Variants in ABR observed in about 807,000 individuals in gnomAD.
ABR encodes the protein active breakpoint cluster region-related protein.
ABR carries 35 observed loss-of-function variants against 107.2 expected under a neutral mutation model. That is an observed-to-expected ratio of 0.33 (90% CI 0.25 to 0.43). The LOEUF (loss-of-function observed/expected upper bound fraction) is 0.43, where lower values mean the gene tolerates loss of function less well. Ranked by LOEUF, ABR falls within the 20% of genes least tolerant of loss-of-function variation. ABR has a pLI of 1.00. For synonymous variants in ABR, 498 were observed against 462.0 expected (o/e 1.08, Z -1.00); for missense variants, 815 against 1,115.2 (o/e 0.73, Z 3.83).
In ABR at chr17:1,006,128, G is replaced by A; in HGVS notation, c.2532C>T (p.Ser844=). 1 of 1,588,386 alleles carries A rather than the reference G, an allele frequency of 6.3e-7. No homozygotes were observed. Among genetic ancestry groups the A allele is most frequent in the South Asian group, 1.1e-5 (1 of 87,028 alleles). The change falls in exon 23 of 23, where the codon TCC becomes TCT. Residue 844 remains serine (S), a synonymous_variant. Coordinates refer to ENST00000302538, the MANE Select transcript of ABR (RefSeq NM_021962.5). ...GTGTGTTCCGCTTGAGTTCTGCGAA[G>A]GAAATGGGGGGGTGCTGCAGGTAGT... is the stretch of plus-strand genomic sequence containing the variant. ...LLYYLQHPPI[S]FAELKRNTLY... is the part of the protein sequence containing the mutation.
At chr17:1,013,907 C>T (rs1016154761) in intron 16 of ABR, among the ~76,000 whole-genome samples, 2 of 152,198 alleles carry the variant, frequency 1.3e-5, no homozygotes, top group Non-Finnish European at 2.9e-5. Flanking sequence ...TTCTGTAACT[C>T]GGGGGCCTTC....
intron 1 of ABR, among the ~76,000 whole-genome samples, chr17:1,130,303 G>A (rs1366538307): frequency 6.6e-6 from 1 of 151,912 alleles, no homozygotes; most frequent in Non-Finnish European, 1.5e-5. Flanking sequence ...GACCACACAC[G>A]TAGGGAACCT....
At chr17:1,226,504 C>T (rs56149003) in intron 1 of ABR, among the ~76,000 whole-genome samples, 3 of 104,214 alleles carry the variant, frequency 2.9e-5, no homozygotes, top group South Asian at 3.4e-4. Context: ...TGTAGGTGTG[C>T]ATGTGTGTGC....
In ABR at chr17:1,200,727, C is replaced by T. The variant is rs943747440; in HGVS notation, c.838+28066G>A. Reference sequence around the variant, plus strand: ...CAGGTGGAAACCCGGGCACGTCATCCCGGTTTGTTCATGGTGCAAGATGTC... The same window carrying T: ...CAGGTGGAAACCCGGGCACGTCATCTCGGTTTGTTCATGGTGCAAGATGTC... On this transcript the variant is annotated intron_variant, in intron 1 of 22. Transcript: ENST00000574139. The surrounding 1 kb of genome is among the most constrained non-coding windows in gnomAD (Gnocchi z 4.1). 1.3e-5 allele frequency among the ~76,000 whole-genome samples: 2 copies of T among 152,204 alleles called. No individual in the cohort carries two copies. Among genetic ancestry groups the T allele is most frequent in the African/African-American group, 4.8e-5 (2 of 41,440 alleles).
chr17:1,107,943 GC>G (rs2038369120), intron 2 of ABR, among the ~76,000 whole-genome samples: 1 of 152,212 alleles, frequency 6.6e-6, no homozygotes, highest in African/African-American at 2.4e-5. Flanking sequence ...AGTGGGTGGG[GC>G]AGGACTGTGA....
chr17:1,132,672 T>G (rs2039899800), intron 1 of ABR, among the ~76,000 whole-genome samples: 1 of 151,976 alleles, frequency 6.6e-6, no homozygotes, highest in Non-Finnish European at 1.5e-5. Context: ...CCACCACACC[T>G]GGCCAATAAA....
At chr17:1,109,196 C>T in intron 2 of ABR, 1 of 1,261,062 alleles carries the variant, frequency 7.9e-7, no homozygotes, top group Non-Finnish European at 1.0e-6. Flanking sequence ...CTGGGGCTCC[C>T]GACCCGGGAC....
intron 3 of ABR, among the ~76,000 whole-genome samples, chr17:1,095,621 G>A (rs948723267): frequency 7.2e-5 from 11 of 152,186 alleles, no homozygotes; most frequent in African/African-American, 2.4e-4. Flanking sequence ...GCAGGCCCCG[G>A]CTCTCCATTT....
intron 16 of ABR, among the ~76,000 whole-genome samples, chr17:1,028,234 G>GGA (rs1432296939): frequency 6.6e-6 from 1 of 151,032 alleles, no homozygotes; most frequent in Non-Finnish European, 1.5e-5. Context: ...GGGATTACAG[G>GGA]TGCCCGCCAC....
intron 4 of ABR, among the ~76,000 whole-genome samples, chr17:1,086,765 T>A (rs1374203598): frequency 1.3e-5 from 2 of 152,048 alleles, no homozygotes; most frequent in Non-Finnish European, 2.9e-5. Context: ...CCTCCCAAAG[T>A]GCTGGGATTA....
intron 3 of ABR, among the ~76,000 whole-genome samples, chr17:1,093,598 G>A (rs866687976): frequency 1.6e-4 from 25 of 152,140 alleles, no homozygotes; most frequent in African/African-American, 5.8e-4. Flanking sequence ...TGAGCTTTCC[G>A]ACAAGAGAAG....
intron 1 of ABR, among the ~76,000 whole-genome samples, chr17:1,132,803 C>T (rs918902432): frequency 6.6e-6 from 1 of 152,174 alleles, no homozygotes; most frequent in Non-Finnish European, 1.5e-5. Flanking sequence ...AGAATGTTAA[C>T]CTCATTTGTA....
In ABR at chr17:1,220,424, G is replaced by A. The variant is rs535558487; in HGVS notation, c.838+8369C>T. On this transcript the variant is annotated intron_variant, in intron 1 of 22. Coordinates refer to the ABR transcript ENST00000574139. ...GCGTCGAATGGGAAGACAGGAACAGGATCGCTGCGGAAAGACTTGCAGATT... is the reference window on the plus strand; with the variant it reads ...GCGTCGAATGGGAAGACAGGAACAGAATCGCTGCGGAAAGACTTGCAGATT... 1.2e-4 allele frequency among the ~76,000 whole-genome samples: 18 copies of A among 152,338 alleles called. No homozygotes were observed. In the South Asian group the frequency reaches 3.1e-3, roughly 26 times the overall value.
At chr17:1,153,348 T>C (rs945511223) in intron 1 of ABR, among the ~76,000 whole-genome samples, 2 of 152,132 alleles carry the variant, frequency 1.3e-5, no homozygotes, top group Non-Finnish European at 2.9e-5. Context: ...GTGCCCATCA[T>C]GCCCCCCAGC....
chr17:1,223,766 C>T (rs1327550156), intron 1 of ABR, among the ~76,000 whole-genome samples: 1 of 152,160 alleles, frequency 6.6e-6, no homozygotes, highest in Non-Finnish European at 1.5e-5. Context: ...CACAAGGCGG[C>T]AGGAGAGCAA....
In ABR at chr17:1,058,831, G is replaced by T; in HGVS notation, c.1219C>A (p.Leu407Met). 1 of 1,614,164 alleles carries T rather than the reference G, an allele frequency of 6.2e-7. No individual in the cohort carries two copies. The change falls in exon 11 of 23, where the codon CTG becomes ATG. Residue 407 changes from leucine to methionine, a missense_variant. Physicochemically the swap from Leu to Met is conservative, Grantham distance 15. This residue lies in a region of ABR where 385 missense variants were observed against 596.9 expected (regional missense o/e 0.64). Transcript: ENST00000302538. ...TCATTCTCAAACATCTTCTTCTTCA[G>T]GCGCTCGATGGCCCGGCTCTGGCCT... ...NKGQSRAIER[L>M]KKKMFENEFL...
At chr17:1,181,645 G>A (rs992474068), upstream of ABR, among the ~76,000 whole-genome samples, 1 of 152,248 alleles carries the variant, frequency 6.6e-6, no homozygotes, top group Non-Finnish European at 1.5e-5. Context: ...GGCATGGGAA[G>A]GGAACGAGCA....
intron 1 of ABR, among the ~76,000 whole-genome samples, chr17:1,156,722 G>A (rs2041059622): frequency 6.6e-6 from 1 of 152,078 alleles, no homozygotes; most frequent in Non-Finnish European, 1.5e-5. Flanking sequence ...ATTATCTTAT[G>A]TAATCCTCTT....
intron 1 of ABR, among the ~76,000 whole-genome samples, chr17:1,175,400 AGACTCT>A (rs2041884984): frequency 6.6e-6 from 1 of 152,180 alleles, no homozygotes; most frequent in Non-Finnish European, 1.5e-5. Flanking sequence ...CGAGAGAGCG[AGACTCT>A]GTCTCAAAAA....
Sources: gnomAD v4.1 joint callset for allele counts (sites outside exome capture counted in the v4.1 genomes callset) on GRCh38, gnomAD v4.1.1 for gene constraint, gnomAD v4.1.1 regional missense constraint, Gnocchi (gnomAD v3.1) non-coding constraint, MANE v1.5 for transcripts, NCBI Gene and HGNC (gene_info 2026-07-23, HGNC 2026-07-21) for gene names.